The following TRPM3 variants were observed in gnomAD, a reference collection of about 807,000 sequenced individuals.
The protein encoded by TRPM3 is transient receptor potential cation channel subfamily M member 3.
Under a neutral mutation model 181.2 loss-of-function variants are expected in TRPM3, and 77 were observed. The ratio of observed to expected loss-of-function variants is 0.42; its 90% confidence interval spans 0.35 to 0.51. The LOEUF is 0.51. Among genes scored for constraint, TRPM3 ranks in the 20% least tolerant of loss-of-function variants. TRPM3 has a pLI of 0.01. For synonymous variants in TRPM3, 745 were observed against 796.4 expected, an observed-to-expected ratio of 0.94 and a Z score of 1.09; for missense variants, 1,759 against 2,196.7, an observed-to-expected ratio of 0.80 and a Z score of 3.98.
chr9:70,930,514 A>G (rs2096765486), intron 1 of TRPM3, among the ~76,000 whole-genome samples: 1 of 152,162 alleles, frequency 6.6e-6, no homozygotes, highest in African/African-American at 2.4e-5. Flanking sequence ...TGTTTTACTT[A>G]TTTAAATCTT....
intron 22 of TRPM3, among the ~76,000 whole-genome samples, chr9:70,582,085 T>C (rs184953370): frequency 6.6e-6 from 1 of 152,094 alleles, no homozygotes; most frequent in Non-Finnish European, 1.5e-5. Flanking sequence ...ATTTTCTTCT[T>C]GAAAACAAAG....
At chr9:70,584,416 G>A (rs752045646) in intron 22 of TRPM3, among the ~76,000 whole-genome samples, 1 of 152,014 alleles carries the variant, frequency 6.6e-6, no homozygotes, top group Non-Finnish European at 1.5e-5. Context: ...TTGAGTTTCA[G>A]GTCATCCTGA....
At chr9:70,604,976 A>G (rs1564522413) in intron 19 of TRPM3, among the ~76,000 whole-genome samples, 4 of 4,966 alleles carry the variant, frequency 8.1e-4, no homozygotes, top group Admixed American at 1.4e-3. Flanking sequence ...TTTTTTTTGG[A>G]GACTGAGTCT....
intron 12 of TRPM3, among the ~76,000 whole-genome samples, chr9:70,630,214 CT>C (rs1342047856): frequency 1.3e-5 from 2 of 152,228 alleles, no homozygotes; most frequent in Non-Finnish European, 2.9e-5. Flanking sequence ...AGATCACTTC[CT>C]GTCTCTGTAC....
chr9:71,428,113 CAG>C (rs980067907), intron 1 of TRPM3, among the ~76,000 whole-genome samples: 41 of 151,892 alleles, frequency 2.7e-4, no homozygotes, highest in African/African-American at 9.9e-4. Flanking sequence ...TTTTTTGAGA[CAG>C]AGTTTCATTC....
intron 1 of TRPM3, among the ~76,000 whole-genome samples, chr9:71,159,451 A>G (rs2076170076): frequency 1.3e-5 from 2 of 152,174 alleles, no homozygotes; most frequent in South Asian, 4.1e-4. Flanking sequence ...ATATGTCAAT[A>G]TATTGAATCA....
intron 1 of TRPM3, among the ~76,000 whole-genome samples, chr9:71,146,443 T>G (rs888936409): frequency 4.6e-5 from 7 of 152,180 alleles, no homozygotes; most frequent in African/African-American, 1.7e-4. Flanking sequence ...CTTGAGATTC[T>G]GTTTCCTAAC....
chr9:70,992,444 G>A (rs964444224), intron 1 of TRPM3, among the ~76,000 whole-genome samples: 3 of 152,154 alleles, frequency 2.0e-5, no homozygotes, highest in Admixed American at 1.3e-4. Flanking sequence ...ATATTTATGA[G>A]AGTCTACTAT....
chr9:71,322,412 T>G (rs1321229119), intron 1 of TRPM3, among the ~76,000 whole-genome samples: 1 of 152,160 alleles, frequency 6.6e-6, no homozygotes, highest in Non-Finnish European at 1.5e-5. Flanking sequence ...TTCTTTTAAA[T>G]GAAAGGTCAT....
At chr9:71,189,458 A>G (rs1416230784) in intron 1 of TRPM3, among the ~76,000 whole-genome samples, 1 of 151,844 alleles carries the variant, frequency 6.6e-6, no homozygotes, top group Non-Finnish European at 1.5e-5. Flanking sequence ...TGCTGTCTGT[A>G]TTGTTCATTT....
intron 1 of TRPM3, among the ~76,000 whole-genome samples, chr9:71,130,215 T>C (rs994394093): frequency 6.6e-6 from 1 of 152,182 alleles, no homozygotes; most frequent in African/African-American, 2.4e-5. Context: ...AAACTCTTGA[T>C]ATATTATATA....
chr9:71,254,971 G>C (rs1350316954), intron 1 of TRPM3, among the ~76,000 whole-genome samples: 1 of 152,152 alleles, frequency 6.6e-6, no homozygotes, highest in Non-Finnish European at 1.5e-5. Flanking sequence ...AGACAGCTTT[G>C]ATTCTAGCAA....
At chr9:70,966,139 G>GA (rs958957228) in intron 1 of TRPM3, among the ~76,000 whole-genome samples, 1 of 151,306 alleles carries the variant, frequency 6.6e-6, no homozygotes, top group Admixed American at 6.6e-5. Context: ...ACAAGCATAT[G>GA]AAAAAAAGCT....
chr9:71,364,570 A>C (rs1197757109), intron 1 of TRPM3, among the ~76,000 whole-genome samples: 2 of 152,252 alleles, frequency 1.3e-5, no homozygotes, highest in Admixed American at 1.3e-4. Context: ...AGAATCATAA[A>C]TCCTCTTAGA....
chr9:71,104,368 A>G (rs994707791), intron 1 of TRPM3, among the ~76,000 whole-genome samples: 3 of 152,206 alleles, frequency 2.0e-5, no homozygotes, highest in Non-Finnish European at 4.4e-5. Context: ...CCATGAGCTA[A>G]TTTGCTTTTA....
chr9:70,808,345 G>A (rs540643785), intron 6 of TRPM3, among the ~76,000 whole-genome samples: 23 of 152,256 alleles, frequency 1.5e-4, no homozygotes, highest in African/African-American at 5.3e-4. Flanking sequence ...TCTCCTGTTG[G>A]GACCTACTTG....
intron 22 of TRPM3, among the ~76,000 whole-genome samples, chr9:70,558,450 G>A (rs1312794325): frequency 6.6e-6 from 1 of 152,192 alleles, no homozygotes; most frequent in Non-Finnish European, 1.5e-5. Context: ...GGCATGGAAA[G>A]ATTGGAAGGA....
rs1325648762 is a variant in TRPM3, at chr9:70,536,062, G to A, written c.5051C>T (p.Pro1684Leu). 1 of 1,614,176 alleles carries A rather than the reference G, an allele frequency of 6.2e-7. No individual in the cohort carries two copies. Among genetic ancestry groups the A allele is most frequent in the Non-Finnish European group, 8.5e-7 (1 of 1,180,022 alleles). ...CTTGGAGGACTTGCTTCTCTGGAAGGGATTTCGCAGGCTTGCTGTGTTCCG... is the reference window on the plus strand; with the variant it reads ...CTTGGAGGACTTGCTTCTCTGGAAGAGATTTCGCAGGCTTGCTGTGTTCCG... ...RQRNTASLRN[P>L]FQRSKSSKPE... Residue 1684 changes from proline (P) to leucine (L), a missense_variant, in exon 26 of 26, where the codon CCC (proline) becomes CTC (leucine). Coordinates refer to ENST00000677713, the MANE Select transcript of TRPM3 (RefSeq NM_001366145.2).
At chr9:71,018,084 C>T (rs1290557462) in intron 1 of TRPM3, among the ~76,000 whole-genome samples, 1 of 151,644 alleles carries the variant, frequency 6.6e-6, no homozygotes, top group Non-Finnish European at 1.5e-5. Flanking sequence ...ACCCATTGTT[C>T]AAATATAAAA....
Sources: allele counts gnomAD v4.1 joint callset (sites outside exome capture counted in the v4.1 genomes callset), GRCh38; gene constraint gnomAD v4.1.1; transcripts MANE v1.5; gene names NCBI Gene and HGNC (gene_info 2026-07-23, HGNC 2026-07-21).